FOXK2: variants seen among roughly 807,000 people sequenced by gnomAD.
The protein encoded by FOXK2 is forkhead box protein K2.
Under a neutral mutation model 53.3 loss-of-function variants are expected in FOXK2, and 24 were observed. That is an observed-to-expected ratio of 0.45 (90% confidence interval 0.33 to 0.63). The LOEUF (loss-of-function observed/expected upper bound fraction) is 0.63, where lower values mean the gene tolerates loss of function less well. FOXK2 is among the 30% of genes least tolerant of loss of function. The pLI is 0.03. For synonymous variants in FOXK2, 505 were observed against 407.1 expected (o/e 1.24, Z -2.89); for missense variants, 952 against 910.5 (o/e 1.05, Z -0.59).
At chr17:82,534,622 G>A (rs1183850326) in intron 1 of FOXK2, among the ~76,000 whole-genome samples, 2 of 152,136 alleles carry the variant, frequency 1.3e-5, no homozygotes, top group Admixed American at 6.5e-5. Flanking sequence ...CATCCTTATC[G>A]CACATGAGAT....
intron 1 of FOXK2, among the ~76,000 whole-genome samples, chr17:82,527,665 T>C (rs999606272): frequency 1.3e-5 from 2 of 152,178 alleles, no homozygotes; most frequent in African/African-American, 4.8e-5. Flanking sequence ...TTGAGATACA[T>C]TGTTATCACT....
At chr17:82,544,190 G>A (rs961758137) in intron 1 of FOXK2, among the ~76,000 whole-genome samples, 5 of 152,276 alleles carry the variant, frequency 3.3e-5, no homozygotes, top group South Asian at 2.1e-4. Context: ...TGGGATTATA[G>A]GCGTGAGCCA....
In FOXK2 at chr17:82,601,473, G is replaced by GT. The variant is rs2045384126; in HGVS notation, c.1958dup (p.Arg654LysfsTer16). On this transcript the variant is annotated frameshift_variant, in exon 9 of 9. Transcript: ENST00000335255. LOFTEE classifies it high-confidence loss of function. ...GAGCGTGGACACGCCACCGGCAGCC[G>GT]TAAGGGAAAAGGGTGTCCAGAACTA... is the stretch of plus-strand genomic sequence containing the variant. The GT allele has an allele frequency of 3.7e-6, 6 of 1,610,520 alleles. No individual in the cohort carries two copies. The highest frequency in any genetic ancestry group is 5.1e-6 in the Non-Finnish European group (6 of 1,178,662).
At chr17:82,589,037 G>A (rs923718063) in intron 8 of FOXK2, among the ~76,000 whole-genome samples, 3 of 151,902 alleles carry the variant, frequency 2.0e-5, no homozygotes, top group East Asian at 3.9e-4. Context: ...CAGCCCGGGC[G>A]ACCGTGCGAG....
chr17:82,522,383 T>TC (rs1286395079), intron 1 of FOXK2, among the ~76,000 whole-genome samples: 5 of 151,152 alleles, frequency 3.3e-5, no homozygotes, highest in African/African-American at 1.2e-4. Flanking sequence ...TTTTTTTTTT[T>TC]CCTGAGACGG....
At chr17:82,554,870 C>G (rs1208449084) in intron 1 of FOXK2, among the ~76,000 whole-genome samples, 1 of 152,096 alleles carries the variant, frequency 6.6e-6, no homozygotes, top group East Asian at 1.9e-4. Context: ...CTCAGCCTCC[C>G]AAGTAGCTGG....
chr17:82,591,456 C>A (rs555931917), intron 8 of FOXK2, among the ~76,000 whole-genome samples: 3 of 152,104 alleles, frequency 2.0e-5, no homozygotes, highest in African/African-American at 7.2e-5. Flanking sequence ...ATCATGCTGC[C>A]GCCCCATGGA....
intron 1 of FOXK2, among the ~76,000 whole-genome samples, chr17:82,557,055 G>C (rs549818837): frequency 2.8e-4 from 41 of 148,134 alleles, no homozygotes; most frequent in African/African-American, 9.2e-4. Flanking sequence ...TTTTGAGACA[G>C]AGTTGCTCTT....
intron 8 of FOXK2, among the ~76,000 whole-genome samples, chr17:82,588,064 A>G (rs2045211717): frequency 6.6e-6 from 1 of 152,170 alleles, no homozygotes; most frequent in African/African-American, 2.4e-5. Flanking sequence ...AACGCTACGA[A>G]CAGAGACCTT....
chr17:82,594,197 G>T (rs141205637), intron 8 of FOXK2, among the ~76,000 whole-genome samples: 1 of 152,150 alleles, frequency 6.6e-6, no homozygotes, highest in African/African-American at 2.4e-5. Flanking sequence ...AAAGTTGGCC[G>T]CTAAGAAATG....
Position 82,520,086 on chromosome 17 carries a change from C to T in FOXK2, c.198C>T (p.Asp66=), listed in dbSNP as rs1257524566. The change falls in exon 1 of 9, where the codon GAC becomes GAT. Residue 66 remains aspartate (D), a synonymous_variant. Coordinates refer to ENST00000335255, the MANE Select transcript of FOXK2 (RefSeq NM_004514.4). The part of the protein sequence containing the change: ...IGRNSSQGSV[D]VSMGHSSFIS... ...GCAACTCGTCGCAGGGCTCGGTGGA[C>T]GTGAGCATGGGCCACTCGAGCTTCA... The T allele has an allele frequency of 2.6e-6, 4 of 1,546,202 alleles. No individual in the cohort carries two copies. The highest frequency in any genetic ancestry group is 1.4e-5 in the African/African-American group (1 of 69,946).
At position 82,601,453 on chromosome 17, in the gene FOXK2, T is replaced by C; in HGVS notation, c.1937T>C (p.Val646Ala). Residue 646 changes from valine (V) to alanine (A), a missense_variant, in exon 9 of 9, where the codon GTG becomes GCG. By Grantham distance (64) the Val-to-Ala change is moderately conservative. Transcript: ENST00000335255. Reference sequence around the variant, plus strand: ...GAGGGCATCGTCATTGCCCTGAGCGTGGACACGCCACCGGCAGCCGTAAGG... The same window carrying C: ...GAGGGCATCGTCATTGCCCTGAGCGCGGACACGCCACCGGCAGCCGTAAGG... ...DGEGIVIALS[V>A]DTPPAAVREK... The C allele has an allele frequency of 6.2e-7, 1 of 1,612,118 alleles. No individual in the cohort carries two copies.
At chr17:82,568,700 T>C (rs1043538247) in intron 3 of FOXK2, among the ~76,000 whole-genome samples, 6 of 152,186 alleles carry the variant, frequency 3.9e-5, no homozygotes, top group Admixed American at 6.5e-5. Context: ...AGGAAATGGA[T>C]GAAAGTTTGT....
rs1045953932 is a variant in FOXK2 at position 82,601,811 on chromosome 17, C to T, written c.*312C>T. 29 of 263,416 alleles carry T rather than the reference C, an allele frequency of 1.1e-4. No individual in the cohort carries two copies. The highest frequency in any genetic ancestry group is 1.7e-4 in the Non-Finnish European group (23 of 135,906). The allele number at this position is 263,416 out of a possible 1,614,324, so 16.3% of individuals were successfully genotyped here. A position where few individuals can be genotyped will look rare whatever the true frequency, so the allele number is the denominator to read the frequency against. On this transcript the variant is annotated 3_prime_UTR_variant, in exon 9 of 9. Coordinates refer to ENST00000335255, the MANE Select transcript of FOXK2 (RefSeq NM_004514.4). ...CGCTGTGTGAGGACGGCACGGCCAG[C>T]GCCTGCTGTGAGTGGGTCTCCCAAG...
chr17:82,529,129 GGTAA>G (rs2044446417), intron 1 of FOXK2, among the ~76,000 whole-genome samples: 1 of 151,940 alleles, frequency 6.6e-6, no homozygotes, highest in South Asian at 2.1e-4. Context: ...TCCTACTGGT[GGTAA>G]GTTTTAATAA....
At chr17:82,533,247 TG>T (rs2044489260) in intron 1 of FOXK2, among the ~76,000 whole-genome samples, 1 of 152,046 alleles carries the variant, frequency 6.6e-6, no homozygotes, top group South Asian at 2.1e-4. Flanking sequence ...CCCAGCACTT[TG>T]GGAGGCCAGG....
At chr17:82,532,230 C>G (rs1405960375) in intron 1 of FOXK2, among the ~76,000 whole-genome samples, 1 of 150,904 alleles carries the variant, frequency 6.6e-6, no homozygotes. Flanking sequence ...CTGCAGCCTC[C>G]GCCTCCTTGG....
intron 1 of FOXK2, among the ~76,000 whole-genome samples, chr17:82,528,998 G>A (rs1041673421): frequency 1.3e-5 from 2 of 152,170 alleles, no homozygotes; most frequent in East Asian, 3.8e-4. Flanking sequence ...GCATCTAGTG[G>A]ACAGAGGCCA....
intron 1 of FOXK2, among the ~76,000 whole-genome samples, chr17:82,531,171 C>G (rs1449878157): frequency 6.6e-6 from 1 of 152,084 alleles, no homozygotes; most frequent in Non-Finnish European, 1.5e-5. Flanking sequence ...TGTACACTTC[C>G]TGGGGTTGTA....
Sources: gnomAD v4.1 joint callset for allele counts (sites outside exome capture counted in the v4.1 genomes callset) on GRCh38, gnomAD v4.1.1 for gene constraint, MANE v1.5 for transcripts, NCBI Gene and HGNC (gene_info 2026-07-23, HGNC 2026-07-21) for gene names.